The following PRDM16 variants were observed in gnomAD, a reference collection of about 807,000 sequenced individuals.
PRDM16 encodes the protein histone-lysine N-methyltransferase PRDM16.
In PRDM16, 23 loss-of-function variants were observed where a neutral mutation model predicts 110.6. The ratio of observed to expected loss-of-function variants is 0.21; its 90% CI spans 0.15 to 0.29. The LOEUF is 0.29. PRDM16 is among the 10% of genes least tolerant of loss of function. The pLI is 1.00. For missense variants in PRDM16, 1,615 were observed against 1,794.3 expected (o/e 0.90, Z 1.81); for synonymous variants, 799 against 781.8 (o/e 1.02, Z -0.37).
At chr1:3,356,844 G>T (rs553088003) in intron 3 of PRDM16, among the ~76,000 whole-genome samples, 16 of 152,134 alleles carry the variant, frequency 1.1e-4, no homozygotes, top group Admixed American at 2.0e-4. Flanking sequence ...CTCTGGGATC[G>T]ATAAACTGTA....
chr1:3,187,502 C>T lies in PRDM16; in HGVS notation c.387+1028C>T, dbSNP rs371115343. On this transcript the variant is annotated intron_variant, in intron 2 of 16. Coordinates refer to ENST00000270722, the MANE Select transcript of PRDM16 (RefSeq NM_022114.4). ...TCGTGGCTCTGGAGAAGTCCCCAGCCAGGTCCATGCTCACTGTCAGGCCTG... is the reference window on the plus strand; with the variant it reads ...TCGTGGCTCTGGAGAAGTCCCCAGCTAGGTCCATGCTCACTGTCAGGCCTG... 1.8e-4 allele frequency among the ~76,000 whole-genome samples: 27 copies of T among 152,328 alleles called. No homozygotes were observed. The East Asian group carries it at 2.3e-3, about 13-fold the overall frequency.
intron 1 of PRDM16, among the ~76,000 whole-genome samples, chr1:3,079,072 G>T (rs921073379): frequency 1.3e-5 from 2 of 152,248 alleles, no homozygotes; most frequent in African/African-American, 4.8e-5. Context: ...AAGTTGGCGT[G>T]ACTGTCTCCG....
At chr1:3,369,722 C>A (rs555110338) in intron 3 of PRDM16, among the ~76,000 whole-genome samples, 1 of 152,342 alleles carries the variant, frequency 6.6e-6, no homozygotes, top group African/African-American at 2.4e-5. Flanking sequence ...AGGCCCAGGC[C>A]AGCATCTTTT....
At chr1:3,142,929 C>T (rs1390863654) in intron 1 of PRDM16, among the ~76,000 whole-genome samples, 1 of 152,344 alleles carries the variant, frequency 6.6e-6, no homozygotes, top group African/African-American at 2.4e-5. Context: ...ACATCAACTG[C>T]CCCCTGGCCG....
At chr1:3,145,919 G>A (rs1445589952) in intron 1 of PRDM16, among the ~76,000 whole-genome samples, 2 of 152,140 alleles carry the variant, frequency 1.3e-5, no homozygotes, top group Non-Finnish European at 2.9e-5. Flanking sequence ...TGACGTCCTG[G>A]AGAGGTCCCC....
chr1:3,084,964 G>A (rs1045683062), intron 1 of PRDM16, among the ~76,000 whole-genome samples: 2 of 152,222 alleles, frequency 1.3e-5, no homozygotes, highest in Non-Finnish European at 2.9e-5. Context: ...GGCAGGTGTT[G>A]CAGGCGGGCG....
intron 3 of PRDM16, among the ~76,000 whole-genome samples, chr1:3,368,015 G>T (rs1455869915): frequency 6.6e-6 from 1 of 152,240 alleles, no homozygotes. Context: ...GGACAGAGAT[G>T]AAGGGTTTGG....
chr1:3,424,205 C>T (rs1179825069), intron 12 of PRDM16, among the ~76,000 whole-genome samples: 2 of 152,238 alleles, frequency 1.3e-5, no homozygotes, highest in African/African-American at 4.8e-5. Flanking sequence ...ATCCCCAGCT[C>T]CCCCTCTTCG....
In PRDM16 at chr1:3,369,190, C is replaced by T. The variant is rs143514222; in HGVS notation, c.439-15962C>T. On this transcript the variant is annotated intron_variant, in intron 3 of 16. Coordinates refer to ENST00000270722, the MANE Select transcript of PRDM16 (RefSeq NM_022114.4). ...CAGGCTGGAACTCGGGGGGAGCGAG[C>T]GCGCTATTGAACTTAATTGGTTCCA... Among the ~76,000 whole-genome samples the T allele has an allele frequency of 4.4e-3, 671 of 152,154 alleles. 4 individuals carry two copies. Among genetic ancestry groups the T allele is most frequent in the African/African-American group, 0.015 (636 of 41,526 alleles).
intron 2 of PRDM16, among the ~76,000 whole-genome samples, chr1:3,235,586 A>G (rs1420974621): frequency 2.0e-5 from 3 of 152,102 alleles, no homozygotes; most frequent in Admixed American, 1.3e-4. Flanking sequence ...AGGGGCTGAT[A>G]GCCTCCTGCC....
In PRDM16 at chr1:3,358,094, G is replaced by A. The variant is rs974631198; in HGVS notation, c.439-27058G>A. Among the ~76,000 whole-genome samples, 5 of 152,214 alleles carry A rather than the reference G, an allele frequency of 3.3e-5. No homozygotes were observed. The highest frequency in any genetic ancestry group is 2.6e-4 in the Admixed American group (4 of 15,292). On this transcript the variant is annotated intron_variant, in intron 3 of 16. Coordinates refer to ENST00000270722, the MANE Select transcript of PRDM16 (RefSeq NM_022114.4). The surrounding 1 kb of genome is among the most constrained non-coding windows in gnomAD (Gnocchi z 4.0). ...GCGGTGCCCAGTGGCCTGGCCTCAC[G>A]CGTGGGTCCATCCCGGAACCACACA...
chr1:3,329,342 G>T (rs1353893885), intron 3 of PRDM16, among the ~76,000 whole-genome samples: 1 of 152,182 alleles, frequency 6.6e-6, no homozygotes, highest in Non-Finnish European at 1.5e-5. Context: ...CAAGCATCCG[G>T]GTAGGACCCC....
At chr1:3,204,379 C>T (rs920574966) in intron 2 of PRDM16, among the ~76,000 whole-genome samples, 6 of 152,132 alleles carry the variant, frequency 3.9e-5, no homozygotes, top group Non-Finnish European at 8.8e-5. Flanking sequence ...GGAGGTAAAA[C>T]GACGTCATGT....
chr1:3,106,210 G>T (rs1334486512), intron 1 of PRDM16, among the ~76,000 whole-genome samples: 1 of 152,264 alleles, frequency 6.6e-6, no homozygotes, highest in Non-Finnish European at 1.5e-5. Flanking sequence ...AGCAGCCCTG[G>T]TGAGCAGGTG....
At chr1:3,071,727 G>T (rs1057101791) in intron 1 of PRDM16, among the ~76,000 whole-genome samples, 1 of 152,116 alleles carries the variant, frequency 6.6e-6, no homozygotes, top group Non-Finnish European at 1.5e-5. Context: ...TGCTGACCAG[G>T]TCAGGGGACT....
In PRDM16 at chr1:3,426,209, A is replaced by C. The variant is rs776903233; in HGVS notation, c.3268A>C (p.Thr1090Pro). 2 of 1,613,378 alleles carry C rather than the reference A, an allele frequency of 1.2e-6. No individual in the cohort carries two copies. The highest frequency in any genetic ancestry group is 2.2e-5 in the South Asian group (2 of 91,024). The change falls in exon 14 of 17, where the codon ACG (threonine) becomes CCG (proline). Residue 1090 changes from threonine (T) to proline (P), a missense_variant. Thr to Pro is a conservative substitution (Grantham distance 38, BLOSUM62 -1). Around this residue, in one of 5 missense-constraint regions of PRDM16, gnomAD observed 327 missense variants for 359.3 expected, o/e 0.91. Transcript: ENST00000270722. Reference sequence around the variant, plus strand: ...CAATAGTGAGATGAACCAAGCATCAACGCGAACAGAGAAACGGTAAGAAAA... The same window carrying C: ...CAATAGTGAGATGAACCAAGCATCACCGCGAACAGAGAAACGGTAAGAAAA... ...IANSEMNQASTRTEKRADMQI... is the reference protein window; with the variant it reads ...IANSEMNQASPRTEKRADMQI...
intron 14 of PRDM16, among the ~76,000 whole-genome samples, chr1:3,429,405 G>C (rs1019621244): frequency 2.0e-5 from 3 of 152,234 alleles, no homozygotes; most frequent in African/African-American, 7.2e-5. Context: ...CAAAGTCCCT[G>C]CCCCCAGCTG....
intron 2 of PRDM16, among the ~76,000 whole-genome samples, chr1:3,188,901 G>T (rs1638219811): frequency 6.6e-6 from 1 of 152,208 alleles, no homozygotes; most frequent in South Asian, 2.1e-4. Flanking sequence ...CAATCAAGGA[G>T]GTTTCTCCCC....
intron 1 of PRDM16, among the ~76,000 whole-genome samples, chr1:3,071,682 A>G (rs1401413728): frequency 6.6e-6 from 1 of 151,894 alleles, no homozygotes; most frequent in Non-Finnish European, 1.5e-5. Flanking sequence ...CGGTAGGGCC[A>G]GCACTCCAGC....
Sources: allele counts gnomAD v4.1 joint callset (sites outside exome capture counted in the v4.1 genomes callset), GRCh38; gene constraint gnomAD v4.1.1; regional missense constraint gnomAD v4.1.1; non-coding constraint Gnocchi (gnomAD v3.1); transcripts MANE v1.5; gene names NCBI Gene and HGNC (gene_info 2026-07-23, HGNC 2026-07-21).